The following SNX27 variants were observed in gnomAD, a reference collection of about 807,000 sequenced individuals.
SNX27 encodes sorting nexin-27.
SNX27 carries 22 observed loss-of-function variants against 71.6 expected under a neutral mutation model. The ratio of observed to expected loss-of-function variants is 0.31; its 90% CI spans 0.22 to 0.44. The LOEUF (loss-of-function observed/expected upper bound fraction) is 0.44, where lower values mean the gene tolerates loss of function less well. SNX27 is among the 20% of genes least tolerant of loss of function. The pLI is 1.00. For missense variants in SNX27, 531 were observed against 698.6 expected, an observed-to-expected ratio of 0.76 and a Z score of 2.70; for synonymous variants, 269 against 277.2, an observed-to-expected ratio of 0.97 and a Z score of 0.29.
chr1:151,622,565 C>T (rs1381374827), intron 1 of SNX27, among the ~76,000 whole-genome samples: 1 of 152,150 alleles, frequency 6.6e-6, no homozygotes, highest in African/African-American at 2.4e-5. Flanking sequence ...TTAACTTTCA[C>T]TGTGGTCAGT....
intron 5 of SNX27, 99 bp downstream of exon 5, chr1:151,662,369 C>A: frequency 3.1e-6 from 2 of 647,442 alleles, no homozygotes; most frequent in South Asian, 2.0e-5. Flanking sequence ...GGGTGTCTGG[C>A]ACATAATCCG....
At chr1:151,694,220 C>CTA in intron 11 of SNX27, 150 bp from the exon 12 acceptor site, 1 of 1,415,212 alleles carries the variant, frequency 7.1e-7, no homozygotes, top group South Asian at 1.6e-5. Context: ...CTCTAAAAGG[C>CTA]TATGATTCTA....
intron 1 of SNX27, among the ~76,000 whole-genome samples, chr1:151,637,239 C>T (rs1668506101): frequency 1.4e-5 from 2 of 140,906 alleles, no homozygotes; most frequent in Admixed American, 7.5e-5. Flanking sequence ...AGTGCAGTGG[C>T]GTGATCTGGG....
intron 1 of SNX27, among the ~76,000 whole-genome samples, chr1:151,630,060 G>A (rs879843787): frequency 6.6e-6 from 1 of 150,590 alleles, no homozygotes; most frequent in Non-Finnish European, 1.5e-5. Flanking sequence ...GTAGTGAGCC[G>A]AGATCGCACC....
chr1:151,674,996 C>G (rs1670615343), intron 7 of SNX27, among the ~76,000 whole-genome samples: 1 of 152,092 alleles, frequency 6.6e-6, no homozygotes, highest in Non-Finnish European at 1.5e-5. Flanking sequence ...CTGATTGTTT[C>G]TTAAATATGC....
At chr1:151,687,323 A>G (rs1432113225) in intron 8 of SNX27, among the ~76,000 whole-genome samples, 2 of 152,232 alleles carry the variant, frequency 1.3e-5, no homozygotes, top group Admixed American at 6.5e-5. Flanking sequence ...TCTCCAGTCT[A>G]CTTACATGGA....
chr1:151,662,240 A>G lies in SNX27; in HGVS notation c.876A>G (p.Lys292=), dbSNP rs751193625. The stretch of plus-strand genomic sequence containing the variant: ...GAACAACGGTTACAGTCAGGGTTAA[A>G]AAGAACAGTACTACAGACCAAGTAT... ...PDGTTVTVRV[K]KNSTTDQVYQ... is the part of the protein sequence containing the mutation. The change falls in exon 5 of 12, where the codon AAA becomes AAG. Residue 292 remains lysine, a synonymous_variant. Transcript: ENST00000458013. 1.9e-6 allele frequency: 3 copies of G among 1,613,260 alleles called. No homozygotes were observed. The highest frequency in any genetic ancestry group is 2.5e-6 in the Non-Finnish European group (3 of 1,179,316).
intron 2 of SNX27, among the ~76,000 whole-genome samples, chr1:151,643,818 G>A (rs932315805): frequency 2.0e-5 from 3 of 151,554 alleles, no homozygotes; most frequent in African/African-American, 7.3e-5. Context: ...GTGCCAGCAC[G>A]CTCGGCTAAT....
At chr1:151,646,938 T>C (rs189494676) in intron 2 of SNX27, among the ~76,000 whole-genome samples, 1 of 151,336 alleles carries the variant, frequency 6.6e-6, no homozygotes, top group African/African-American at 2.4e-5. Context: ...TTTAAGACAC[T>C]TACAAGAGTA....
At chr1:151,692,723 A>C (rs1671515063) in intron 9 of SNX27, 139 bp downstream of exon 9, 1 of 1,383,906 alleles carries the variant, frequency 7.2e-7, no homozygotes, top group Admixed American at 2.2e-5. Flanking sequence ...CAGGCATGGA[A>C]TCCACACTGA....
chr1:151,616,968 T>C (rs1028611161), intron 1 of SNX27, among the ~76,000 whole-genome samples: 1 of 152,188 alleles, frequency 6.6e-6, no homozygotes, highest in Non-Finnish European at 1.5e-5. Flanking sequence ...CCCAGGGTGA[T>C]GCAGTAGGTT....
chr1:151,675,269 TG>T (rs748573736), intron 7 of SNX27, among the ~76,000 whole-genome samples: 40 of 152,116 alleles, frequency 2.6e-4, no homozygotes, highest in Non-Finnish European at 5.4e-4. Flanking sequence ...GAAATTTTAA[TG>T]GGGTTTTAGG....
intron 1 of SNX27, among the ~76,000 whole-genome samples, chr1:151,626,274 T>G (rs1271648715): frequency 6.6e-6 from 1 of 151,670 alleles, no homozygotes; most frequent in Admixed American, 6.6e-5. Context: ...ACTTTTTTTT[T>G]TTTGTTTTTC....
chr1:151,664,462 A>T (rs1392714052), intron 5 of SNX27, among the ~76,000 whole-genome samples: 1 of 151,832 alleles, frequency 6.6e-6, no homozygotes, highest in Non-Finnish European at 1.5e-5. Flanking sequence ...TTCTTACCCT[A>T]GATATCTAGA....
intron 9 of SNX27, 141 bp downstream of exon 9, chr1:151,692,725 C>A: frequency 7.2e-7 from 1 of 1,388,682 alleles, no homozygotes; most frequent in Non-Finnish European, 9.8e-7. Context: ...GGCATGGAAT[C>A]CACACTGATC....
intron 1 of SNX27, among the ~76,000 whole-genome samples, chr1:151,626,972 TCC>T (rs775388132): frequency 1.1e-4 from 17 of 152,174 alleles, no homozygotes; most frequent in Non-Finnish European, 2.2e-4. Flanking sequence ...TATTTAAAGG[TCC>T]CTGGTTCCTT....
At chr1:151,642,158 C>T (rs923480567) in intron 2 of SNX27, among the ~76,000 whole-genome samples, 8 of 151,500 alleles carry the variant, frequency 5.3e-5, no homozygotes, top group Non-Finnish European at 1.0e-4. Context: ...CACCTGAGGT[C>T]GGTGGATCAC....
intron 1 of SNX27, among the ~76,000 whole-genome samples, chr1:151,619,340 A>T (rs1667567267): frequency 6.6e-6 from 1 of 152,240 alleles, no homozygotes; most frequent in Non-Finnish European, 1.5e-5. Context: ...CTGTCTCAAA[A>T]ATAAAACAAA....
chr1:151,651,651 G>A (rs1406042225), intron 2 of SNX27, among the ~76,000 whole-genome samples: 6 of 151,850 alleles, frequency 4.0e-5, no homozygotes, highest in Admixed American at 6.6e-5. Flanking sequence ...ATGGGTGGCC[G>A]GGCAGAGATG....
Sources: allele counts gnomAD v4.1 joint callset (sites outside exome capture counted in the v4.1 genomes callset), GRCh38; gene constraint gnomAD v4.1.1; transcripts MANE v1.5; gene names NCBI Gene and HGNC (gene_info 2026-07-23, HGNC 2026-07-21).